Variants in PDE1A observed in about 807,000 individuals in gnomAD.
PDE1A encodes the protein phosphodiesterase 1A, also known as dual specificity calcium/calmodulin-dependent 3',5'-cyclic nucleotide phosphodiesterase 1A.
A neutral mutation model predicts 61.7 loss-of-function variants in PDE1A; 35 were observed. The ratio of observed to expected loss-of-function variants is 0.57; its 90% CI spans 0.43 to 0.75. PDE1A has a LOEUF of 0.75. PDE1A is among the 30% of genes least tolerant of loss of function. The pLI is 0.00. For missense variants in PDE1A, 597 were observed against 630.6 expected (o/e 0.95, Z 0.57); for synonymous variants, 232 against 213.2 (o/e 1.09, Z -0.77).
intron 1 of PDE1A, among the ~76,000 whole-genome samples, chr2:182,304,388 G>A (rs2125925552): frequency 6.6e-6 from 1 of 152,312 alleles, no homozygotes; most frequent in Non-Finnish European, 1.5e-5. Context: ...TGATAAGGCT[G>A]TTTTGCTTTC....
chr2:182,306,476 C>CCACA (rs148572435), intron 1 of PDE1A, among the ~76,000 whole-genome samples: 26 of 148,882 alleles, frequency 1.7e-4, no homozygotes, highest in South Asian at 1.3e-3. Flanking sequence ...TCATATGGAA[C>CCACA]CACACACACA....
At chr2:182,380,488 G>A (rs1195590719) in intron 1 of PDE1A, among the ~76,000 whole-genome samples, 5 of 151,966 alleles carry the variant, frequency 3.3e-5, no homozygotes, top group Admixed American at 6.6e-5. Flanking sequence ...GCCCACTCAC[G>A]GCAATGTGAT....
At chr2:182,502,949 C>G (rs1008726594) in intron 2 of PDE1A, among the ~76,000 whole-genome samples, 2 of 151,952 alleles carry the variant, frequency 1.3e-5, no homozygotes, top group African/African-American at 2.4e-5. Context: ...TGGTTCACAT[C>G]TGGGCCCAAA....
chr2:182,529,391 T>C, the PDE1A span, among the ~76,000 whole-genome samples: 1 of 152,248 alleles, frequency 6.6e-6, no homozygotes, highest in African/African-American at 2.4e-5. Context: ...GGAACAGTTA[T>C]ATTTACCCAA....
At chr2:182,485,300 T>C (rs7597403) in intron 2 of PDE1A, among the ~76,000 whole-genome samples, 98,682 of 151,832 alleles carry the variant, frequency 0.65, 33,033 homozygotes, top group East Asian at 0.95. Flanking sequence ...CACTTACAAG[T>C]GGGAGCTAAA....
chr2:182,558,970 C>T, the PDE1A span, among the ~76,000 whole-genome samples: 2 of 152,140 alleles, frequency 1.3e-5, no homozygotes, highest in African/African-American at 4.8e-5. Flanking sequence ...ATTCTTTGAT[C>T]ATCGCTAATA....
intron 1 of PDE1A, among the ~76,000 whole-genome samples, chr2:182,361,197 G>A (rs954721647): frequency 6.6e-6 from 1 of 152,046 alleles, no homozygotes; most frequent in Admixed American, 6.6e-5. Flanking sequence ...ACATCACTAT[G>A]AGGATTCTGT....
chr2:182,608,053 C>G, the PDE1A span, among the ~76,000 whole-genome samples: 1 of 152,186 alleles, frequency 6.6e-6, no homozygotes, highest in South Asian at 2.1e-4. Context: ...CTAAAAGAAG[C>G]CTTCAAAAAC....
chr2:182,363,620 T>C (rs1159521193), intron 1 of PDE1A, among the ~76,000 whole-genome samples: 1 of 152,044 alleles, frequency 6.6e-6, no homozygotes, highest in Non-Finnish European at 1.5e-5. Flanking sequence ...TGAAGCTCTA[T>C]TTGTTTGAGG....
At chr2:182,686,992 G>A in the PDE1A span, among the ~76,000 whole-genome samples, 102 of 152,314 alleles carry the variant, frequency 6.7e-4, no homozygotes, top group African/African-American at 2.3e-3. Flanking sequence ...AGGGGCGCCC[G>A]CCATTGCTGA....
chr2:182,516,274 C>A (rs73044472), intron 2 of PDE1A, among the ~76,000 whole-genome samples: 3,196 of 152,174 alleles, frequency 0.021, 112 homozygotes, highest in African/African-American at 0.073. Flanking sequence ...CCCACTTTCA[C>A]CATCTTCAAT....
At chr2:182,461,466 A>G (rs1686282836) in intron 2 of PDE1A, among the ~76,000 whole-genome samples, 1 of 152,124 alleles carries the variant, frequency 6.6e-6, no homozygotes, top group Non-Finnish European at 1.5e-5. Context: ...TCTCTCCCAT[A>G]TAAGGTATCC....
At chr2:182,660,367 G>A in the PDE1A span, among the ~76,000 whole-genome samples, 1 of 152,186 alleles carries the variant, frequency 6.6e-6, no homozygotes, top group Non-Finnish European at 1.5e-5. Context: ...CAGGATCTGT[G>A]ATAATTGGAA....
At chr2:182,223,184 A>G (rs1310677137) in intron 7 of PDE1A, among the ~76,000 whole-genome samples, 1 of 152,010 alleles carries the variant, frequency 6.6e-6, no homozygotes, top group Admixed American at 6.6e-5. Context: ...AAGACACAGC[A>G]AAAAGGGTGT....
At chr2:182,451,389 A>T in intron 2 of PDE1A, among the ~76,000 whole-genome samples, 1 of 17,966 alleles carries the variant, frequency 5.6e-5, no homozygotes, top group Admixed American at 4.8e-4. Context: ...AAAAAAAAAA[A>T]AAAAAAAAAA....
At chr2:182,648,579 G>A in the PDE1A span, among the ~76,000 whole-genome samples, 2 of 149,002 alleles carry the variant, frequency 1.3e-5, no homozygotes, top group East Asian at 3.9e-4. Flanking sequence ...TGCATGCCTG[G>A]AGTCCTAGCT....
intron 2 of PDE1A, among the ~76,000 whole-genome samples, chr2:182,437,888 T>C (rs1684540992): frequency 6.6e-6 from 1 of 151,970 alleles, no homozygotes. Context: ...TATCTTAAAT[T>C]TATGGAGATT....
At chr2:182,699,496 T>G in the PDE1A span, among the ~76,000 whole-genome samples, 1 of 152,324 alleles carries the variant, frequency 6.6e-6, no homozygotes, top group South Asian at 2.1e-4. Context: ...CAGTAATGGT[T>G]TATTTTATAA....
At chr2:182,583,648 T>G in the PDE1A span, among the ~76,000 whole-genome samples, 1 of 152,212 alleles carries the variant, frequency 6.6e-6, no homozygotes, top group Non-Finnish European at 1.5e-5. Context: ...TCAATCTCTC[T>G]CCTCTACTGA....
Sources: gnomAD v4.1 joint callset for allele counts (sites outside exome capture counted in the v4.1 genomes callset) on GRCh38, gnomAD v4.1.1 for gene constraint, MANE v1.5 for transcripts, NCBI Gene and HGNC (gene_info 2026-07-23, HGNC 2026-07-21) for gene names.